Variants in TLN2 observed in about 807,000 individuals in gnomAD.
The protein encoded by TLN2 is talin 2, also known as talin-2.
In TLN2, 118 loss-of-function variants were observed where a neutral mutation model predicts 294.7. That is an observed-to-expected ratio of 0.40 (90% CI 0.34 to 0.47). TLN2 has a LOEUF of 0.47. Among genes scored for constraint, TLN2 ranks in the 20% least tolerant of loss-of-function variants. The pLI, the probability that TLN2 is intolerant of heterozygous loss-of-function variation, is 0.84. For synonymous variants in TLN2, 1,431 were observed against 1,304.5 expected (o/e 1.10, Z -2.09); for missense variants, 3,083 against 3,282.2 (o/e 0.94, Z 1.48).
chr15:62,631,123 T>G (rs1237100721), intron 3 of TLN2, among the ~76,000 whole-genome samples: 2 of 152,148 alleles, frequency 1.3e-5, no homozygotes, highest in African/African-American at 4.8e-5. Context: ...AAATAGACTC[T>G]GTTGGCTTGC....
rs1011184727 is a variant in TLN2, at chr15:62,390,604, G to C, written c.-319G>C. 6.6e-6 allele frequency: 1 copy of C among 152,226 alleles called. No individual in the cohort carries two copies. Among genetic ancestry groups the C allele is most frequent in the African/African-American group, 2.4e-5 (1 of 41,390 alleles). 9.4% of individuals were successfully genotyped at this position (152,226 alleles called of 1,614,324 possible). A position where few individuals can be genotyped will look rare whatever the true frequency, so the allele number is the denominator to read the frequency against. ...AGCGGCTGAGGCGGCTGCGGGAGCGGAGTGGTCGCCCAGCGCGCGGGGGGA... is the reference window on the plus strand; with the variant it reads ...AGCGGCTGAGGCGGCTGCGGGAGCGCAGTGGTCGCCCAGCGCGCGGGGGGA... On this transcript the variant is annotated 5_prime_UTR_variant, in exon 1 of 59. Coordinates refer to ENST00000636159, the MANE Select transcript of TLN2 (RefSeq NM_015059.3).
In TLN2 at chr15:62,739,403, C is replaced by T; in HGVS notation, c.3743C>T (p.Ala1248Val). The change falls in exon 31 of 59, where the codon GCA (alanine) becomes GTA (valine). Residue 1248 changes from alanine (A) to valine (V), a missense_variant. By Grantham distance (64) the Ala-to-Val change is moderately conservative. Coordinates refer to ENST00000636159, the MANE Select transcript of TLN2 (RefSeq NM_015059.3). ...GCCCAGAGTGAACTGAACCAGGCAG[C>T]AGCTGATCTGAACCAGTCTGCTGGG... ...QEAQSELNQA[A>V]ADLNQSAGEV... is the part of the protein sequence containing the mutation. 6.2e-7 allele frequency: 1 copy of T among 1,614,172 alleles called. No individual in the cohort carries two copies. The highest frequency in any genetic ancestry group is 8.5e-7 in the Non-Finnish European group (1 of 1,180,032).
chr15:62,618,029 G>T (rs918683306), intron 2 of TLN2, among the ~76,000 whole-genome samples: 1 of 151,084 alleles, frequency 6.6e-6, no homozygotes, highest in African/African-American at 2.4e-5. Context: ...GAACTTCTGG[G>T]CTCAAATGAT....
At chr15:62,783,702 G>A (rs1234067425) in intron 44 of TLN2, 69 bp from the exon 45 acceptor site, 2 of 1,490,522 alleles carry the variant, frequency 1.3e-6, no homozygotes, top group Non-Finnish European at 1.8e-6. Context: ...ATTAACACAT[G>A]GTTCTCATGC....
At chr15:62,484,088 G>A (rs2038251359) in intron 1 of TLN2, among the ~76,000 whole-genome samples, 3 of 152,216 alleles carry the variant, frequency 2.0e-5, no homozygotes, top group African/African-American at 7.2e-5. Context: ...GGCCTGCAGT[G>A]CTGCGGGATG....
At chr15:62,496,177 C>T (rs1171719506) in intron 1 of TLN2, among the ~76,000 whole-genome samples, 4 of 152,266 alleles carry the variant, frequency 2.6e-5, no homozygotes, top group South Asian at 4.2e-4. Flanking sequence ...TGCTAGGCCT[C>T]CTCTTTCTGA....
At chr15:62,750,981 G>C (rs1360755614) in intron 34 of TLN2, among the ~76,000 whole-genome samples, 2 of 151,864 alleles carry the variant, frequency 1.3e-5, no homozygotes, top group African/African-American at 4.8e-5. Flanking sequence ...AAATTGTTTT[G>C]TTTTGTTTTG....
intron 1 of TLN2, among the ~76,000 whole-genome samples, chr15:62,454,978 C>A (rs1027019845): frequency 3.3e-5 from 5 of 152,188 alleles, no homozygotes; most frequent in African/African-American, 1.2e-4. Flanking sequence ...TTTTCCTCCC[C>A]CCGGGGGGCT....
chr15:62,760,766 A>G (rs1166413355), intron 37 of TLN2, among the ~76,000 whole-genome samples: 3 of 152,126 alleles, frequency 2.0e-5, no homozygotes, highest in Admixed American at 2.0e-4. Flanking sequence ...CTGATCATGC[A>G]ATGCCATTGT....
At chr15:62,642,977 C>T (rs924305811) in intron 3 of TLN2, among the ~76,000 whole-genome samples, 1 of 152,206 alleles carries the variant, frequency 6.6e-6, no homozygotes, top group Non-Finnish European at 1.5e-5. Flanking sequence ...GCTGGGATTA[C>T]AGGCGTGAGC....
intron 45 of TLN2, among the ~76,000 whole-genome samples, chr15:62,790,678 G>C (rs2065010230): frequency 6.6e-6 from 1 of 152,162 alleles, no homozygotes; most frequent in Non-Finnish European, 1.5e-5. Context: ...GAAATACTTA[G>C]GTTTTAACTC....
intron 48 of TLN2, among the ~76,000 whole-genome samples, chr15:62,799,478 T>C (rs1244304362): frequency 6.6e-6 from 1 of 152,240 alleles, no homozygotes; most frequent in Non-Finnish European, 1.5e-5. Flanking sequence ...ATCTGTGGTC[T>C]CTGTGAAATT....
intron 2 of TLN2, among the ~76,000 whole-genome samples, chr15:62,603,751 T>C (rs138909588): frequency 2.0e-5 from 3 of 152,262 alleles, no homozygotes; most frequent in South Asian, 2.1e-4. Context: ...TTGGGAGAAA[T>C]AGAGAAGGAC....
chr15:62,577,169 C>T (rs546081505), intron 1 of TLN2, among the ~76,000 whole-genome samples: 36 of 152,294 alleles, frequency 2.4e-4, no homozygotes, highest in Admixed American at 1.8e-3. Context: ...CTTTGCCGGG[C>T]GCGGTGGCTC....
intron 57 of TLN2, 66 bp from the exon 58 acceptor site, chr15:62,838,790 G>A: frequency 1.3e-6 from 2 of 1,586,252 alleles, no homozygotes; most frequent in South Asian, 2.3e-5. Context: ...GTACCTTCAT[G>A]TCTATTCTTG....
chr15:62,600,010 G>A (rs1364049088), intron 2 of TLN2, among the ~76,000 whole-genome samples: 2 of 152,186 alleles, frequency 1.3e-5, no homozygotes, highest in African/African-American at 4.8e-5. Context: ...GATGACAAAT[G>A]AGCAGAAAGA....
In TLN2 at chr15:62,753,904, C is replaced by T. The variant is rs376908302; in HGVS notation, c.4464C>T (p.Ser1488=). 8.1e-6 allele frequency: 13 copies of T among 1,603,646 alleles called. No homozygotes were observed. In the African/African-American group the frequency reaches 1.3e-4, roughly 17 times the overall value. Residue 1488 remains serine (S), a synonymous_variant, in exon 36 of 59, where the codon AGC becomes AGT. Coordinates refer to ENST00000636159, the MANE Select transcript of TLN2 (RefSeq NM_015059.3). ...MACQNLVDPG[S]SPSQVLSAAT... is the part of the protein sequence containing the mutation. ...GCCAGAACTTGGTGGACCCTGGCAG[C>T]AGCCCATCACAGGTAACTGTTGGGG...
At chr15:62,509,372 C>T (rs558615135) in intron 1 of TLN2, among the ~76,000 whole-genome samples, 4 of 152,240 alleles carry the variant, frequency 2.6e-5, no homozygotes, top group East Asian at 1.9e-4. Context: ...GCATTTGTTG[C>T]GAGTGATTCC....
intron 9 of TLN2, among the ~76,000 whole-genome samples, chr15:62,664,718 C>T (rs1032451514): frequency 2.0e-5 from 3 of 151,420 alleles, no homozygotes; most frequent in Non-Finnish European, 4.4e-5. Context: ...ATTAGCTGGG[C>T]GTGATGGTGC....
Sources: gnomAD v4.1 joint callset for allele counts (sites outside exome capture counted in the v4.1 genomes callset) on GRCh38, gnomAD v4.1.1 for gene constraint, MANE v1.5 for transcripts, NCBI Gene and HGNC (gene_info 2026-07-23, HGNC 2026-07-21) for gene names.